SSH2: variants seen among roughly 807,000 people sequenced by gnomAD.
SSH2 encodes slingshot protein phosphatase 2, also known as protein phosphatase Slingshot homolog 2.
A neutral mutation model predicts 135.2 loss-of-function variants in SSH2; 37 were observed. That is an observed-to-expected ratio of 0.27 (90% CI 0.21 to 0.36). The LOEUF (loss-of-function observed/expected upper bound fraction) is 0.36, where lower values mean the gene tolerates loss of function less well. Ranked by LOEUF, SSH2 falls within the 10% of genes least tolerant of loss-of-function variation. SSH2 has a pLI of 1.00. For synonymous variants in SSH2, 628 were observed against 646.2 expected (o/e 0.97, Z 0.43); for missense variants, 1,408 against 1,765.3 (o/e 0.80, Z 3.63).
At chr17:29,741,286 A>G (rs2151206265) in intron 3 of SSH2, among the ~76,000 whole-genome samples, 1 of 152,336 alleles carries the variant, frequency 6.6e-6, no homozygotes, top group East Asian at 1.9e-4. Context: ...CAAACCAGCA[A>G]TCTGTATCAA....
intron 1 of SSH2, among the ~76,000 whole-genome samples, chr17:29,914,574 A>C (rs931734583): frequency 6.1e-5 from 9 of 148,538 alleles, no homozygotes; most frequent in Non-Finnish European, 1.2e-4. Flanking sequence ...AAAAAAAAAA[A>C]CAAACAAAAA....
At chr17:29,808,395 C>T (rs1228256305) in intron 2 of SSH2, among the ~76,000 whole-genome samples, 1 of 152,242 alleles carries the variant, frequency 6.6e-6, no homozygotes, top group African/African-American at 2.4e-5. Flanking sequence ...TCCCAAAGTG[C>T]TGGGATTACA....
chr17:29,763,842 A>G (rs2041380582), intron 3 of SSH2, among the ~76,000 whole-genome samples: 1 of 152,062 alleles, frequency 6.6e-6, no homozygotes, highest in African/African-American at 2.4e-5. Context: ...TAAGGAGGCT[A>G]TGTTAACGTC....
intron 14 of SSH2, among the ~76,000 whole-genome samples, chr17:29,638,437 C>T (rs1236768362): frequency 6.6e-6 from 1 of 150,756 alleles, no homozygotes; most frequent in African/African-American, 2.4e-5. Flanking sequence ...AGGAACATCA[C>T]CAAACTGATA....
At position 29,930,098 on chromosome 17, in the gene SSH2, G is replaced by A; in HGVS notation, c.-98C>T. 9.7e-7 allele frequency: 1 copy of A among 1,028,802 alleles called. No homozygotes were observed. Among genetic ancestry groups the A allele is most frequent in the South Asian group, 1.4e-5 (1 of 69,988 alleles). The allele number at this position is 1,028,802 out of a possible 1,614,324, so 63.7% of individuals were successfully genotyped here. The stretch of plus-strand genomic sequence containing the variant: ...GGGATGGGGAAAGGGGTGCGGGGTG[G>A]GGGTGAAGGGAACGGGGAGGAGGAG... On this transcript the variant is annotated 5_prime_UTR_variant, in exon 1 of 16. Transcript: ENST00000540801.
At chr17:29,672,890 C>T (rs559891385) in intron 8 of SSH2, among the ~76,000 whole-genome samples, 82 of 151,994 alleles carry the variant, frequency 5.4e-4, no homozygotes, top group African/African-American at 1.6e-3. Context: ...TATTTTTAGT[C>T]GAGACGGGTT....
rs748527974 is a variant in SSH2 at position 29,630,869 on chromosome 17, G to A, written c.4325C>T (p.Thr1442Ile). ...CATGGTATTATAGAAGGGGTTGGTT[G>A]TCCGTTTTTTGTCATTTGCCTTTTT... ...RLKKANDKKR[T>I]TNPFYNTM Residue 1442 changes from threonine to isoleucine, a missense_variant, in exon 16 of 16, where the codon ACA becomes ATA. Physicochemically the swap from Thr to Ile is moderately conservative, Grantham distance 89 (BLOSUM62 -1). This residue lies in a region of SSH2 where 1,080 missense variants were observed against 1,144.5 expected (regional missense o/e 0.94). Transcript: ENST00000540801. 6.4e-7 allele frequency: 1 copy of A among 1,565,708 alleles called. No homozygotes were observed. The highest frequency in any genetic ancestry group is 1.2e-5 in the South Asian group (1 of 85,268).
At chr17:29,779,810 CAAAAAA>C (rs56789691) in intron 3 of SSH2, among the ~76,000 whole-genome samples, 2 of 19,608 alleles carry the variant, frequency 1.0e-4, no homozygotes, top group Non-Finnish European at 1.7e-4. Context: ...GACTCTGTCT[CAAAAAA>C]AAAAAAAAAA....
intron 3 of SSH2, among the ~76,000 whole-genome samples, chr17:29,743,638 T>G (rs1367168026): frequency 1.3e-5 from 2 of 152,214 alleles, no homozygotes; most frequent in East Asian, 1.9e-4. Flanking sequence ...GATTAAAGCG[T>G]GTTCTTAACA....
intron 11 of SSH2, among the ~76,000 whole-genome samples, chr17:29,666,440 TGA>T (rs975546379): frequency 2.2e-4 from 33 of 152,028 alleles, no homozygotes; most frequent in African/African-American, 7.2e-4. Context: ...CCCAGCACTT[TGA>T]GAGGCCAAGG....
chr17:29,808,464 A>G (rs1370106705), intron 2 of SSH2, among the ~76,000 whole-genome samples: 1 of 152,220 alleles, frequency 6.6e-6, no homozygotes, highest in Non-Finnish European at 1.5e-5. Flanking sequence ...GACCAGTAGA[A>G]AAGTTATACT....
At chr17:29,730,596 C>T (rs1000832142) in intron 3 of SSH2, among the ~76,000 whole-genome samples, 9 of 151,744 alleles carry the variant, frequency 5.9e-5, no homozygotes, top group African/African-American at 1.5e-4. Flanking sequence ...CCACCACACT[C>T]GGCTAATTTT....
chr17:29,786,667 G>T (rs1185541084), intron 3 of SSH2, among the ~76,000 whole-genome samples: 3 of 152,028 alleles, frequency 2.0e-5, no homozygotes, highest in South Asian at 2.1e-4. Context: ...ATCACAAAAA[G>T]GTGGCCAGCC....
chr17:29,667,633 G>A lies in SSH2; in HGVS notation c.810-410C>T, dbSNP rs200308816. On this transcript the variant is annotated intron_variant, in intron 9 of 15. Coordinates refer to ENST00000540801, the MANE Select transcript of SSH2 (RefSeq NM_001282129.2). Reference sequence around the variant, plus strand: ...GAAACCATCCCCACTCCACTGCTCCGTCTGTGGAAACTGGTCTCTGGTGCC... The same window carrying A: ...GAAACCATCCCCACTCCACTGCTCCATCTGTGGAAACTGGTCTCTGGTGCC... Among the ~76,000 whole-genome samples the A allele has an allele frequency of 1.6e-4, 25 of 152,290 alleles. 1 individual carries two copies. The East Asian group carries it at 2.1e-3, about 13-fold the overall frequency.
chr17:29,904,597 A>C (rs1389049208), intron 1 of SSH2, among the ~76,000 whole-genome samples: 1 of 152,186 alleles, frequency 6.6e-6, no homozygotes, highest in African/African-American at 2.4e-5. Context: ...GGCACAAGAC[A>C]AGAATGCCTT....
intron 3 of SSH2, among the ~76,000 whole-genome samples, chr17:29,764,024 A>G (rs1004128637): frequency 6.7e-6 from 1 of 148,772 alleles, no homozygotes; most frequent in Non-Finnish European, 1.5e-5. Context: ...ATCTCAGCTC[A>G]CTGCAACCTC....
intron 3 of SSH2, among the ~76,000 whole-genome samples, chr17:29,777,090 T>TAATC (rs2041719916): frequency 6.6e-6 from 1 of 152,052 alleles, no homozygotes; most frequent in Non-Finnish European, 1.5e-5. Context: ...CGCACATGTG[T>TAATC]AATCCCAGCT....
intron 3 of SSH2, among the ~76,000 whole-genome samples, chr17:29,724,710 C>T (rs929750029): frequency 6.7e-6 from 1 of 150,360 alleles, no homozygotes; most frequent in African/African-American, 2.4e-5. Context: ...CTGCCTCTGC[C>T]TCCCGAGTAG....
At chr17:29,637,034 T>C (rs1217895943) in intron 14 of SSH2, among the ~76,000 whole-genome samples, 2 of 152,124 alleles carry the variant, frequency 1.3e-5, no homozygotes, top group Admixed American at 6.5e-5. Flanking sequence ...ATTAAAATGG[T>C]TGGTAACAGC....
Sources: allele counts gnomAD v4.1 joint callset (sites outside exome capture counted in the v4.1 genomes callset), GRCh38; gene constraint gnomAD v4.1.1; regional missense constraint gnomAD v4.1.1; transcripts MANE v1.5; gene names NCBI Gene and HGNC (gene_info 2026-07-23, HGNC 2026-07-21).